The following CAMTA1 variants were observed in gnomAD, a reference collection of about 807,000 sequenced individuals.
The protein encoded by CAMTA1 is calmodulin-binding transcription activator 1.
Under a neutral mutation model 170.9 loss-of-function variants are expected in CAMTA1, and 27 were observed. The observed-to-expected ratio is 0.16, with a 90% CI of 0.12 to 0.22. The LOEUF is 0.22. CAMTA1 is among the 10% of genes least tolerant of loss of function. The pLI, the probability that CAMTA1 is intolerant of heterozygous loss-of-function variation, is 1.00. For missense variants in CAMTA1, 1,619 were observed against 2,217.2 expected (o/e 0.73, Z 5.42); for synonymous variants, 833 against 891.5 (o/e 0.93, Z 1.17).
chr1:6,843,538 G>T (rs1477666091), intron 3 of CAMTA1, among the ~76,000 whole-genome samples: 1 of 152,202 alleles, frequency 6.6e-6, no homozygotes. Context: ...TTTCCTTGAG[G>T]ATAGTTTTAT....
intron 3 of CAMTA1, among the ~76,000 whole-genome samples, chr1:6,980,501 C>A (rs564745617): frequency 6.6e-6 from 1 of 152,144 alleles, no homozygotes; most frequent in Non-Finnish European, 1.5e-5. Flanking sequence ...CCTAGAGGGA[C>A]GTGACTTCTG....
Position 7,465,319 on chromosome 1 carries a change from T to G in CAMTA1, c.439-2511T>G, listed in dbSNP as rs574016972. On this transcript the variant is annotated intron_variant, in intron 5 of 22. Transcript: ENST00000303635. ...GCCCAGTGTGCTGAGCCAGGCAGCA[T>G]GGAAGGGGTCCCATTCCCTGTGGGC... 7.9e-5 allele frequency among the ~76,000 whole-genome samples: 12 copies of G among 152,314 alleles called. No homozygotes were observed. In the East Asian group the frequency reaches 2.3e-3, roughly 29 times the overall value.
intron 5 of CAMTA1, among the ~76,000 whole-genome samples, chr1:7,406,119 C>G (rs1035687547): frequency 2.6e-5 from 4 of 152,378 alleles, no homozygotes; most frequent in Non-Finnish European, 5.9e-5. Flanking sequence ...GTGCCTGTCA[C>G]TTCCTGTGAT....
chr1:6,891,926 T>G (rs534142214), intron 3 of CAMTA1, among the ~76,000 whole-genome samples: 16 of 152,276 alleles, frequency 1.1e-4, no homozygotes, highest in Middle Eastern at 6.8e-3. Context: ...TTCATGAACC[T>G]GAATGTTGTA....
intron 6 of CAMTA1, among the ~76,000 whole-genome samples, chr1:7,470,854 G>A (rs897316697): frequency 5.9e-5 from 9 of 152,200 alleles, no homozygotes; most frequent in Admixed American, 3.3e-4. Context: ...TTAGCACTTA[G>A]TGGGCACGTC....
At chr1:7,400,303 G>T (rs932267772) in intron 5 of CAMTA1, among the ~76,000 whole-genome samples, 1 of 152,042 alleles carries the variant, frequency 6.6e-6, no homozygotes, top group African/African-American at 2.4e-5. Context: ...GAATTCTTCA[G>T]CTGTAAGACT....
rs899710896 is a variant in CAMTA1, at chr1:7,044,842, C to G, written c.235-46462C>G. On this transcript the variant is annotated intron_variant, in intron 3 of 22. Coordinates refer to ENST00000303635, the MANE Select transcript of CAMTA1 (RefSeq NM_015215.4). This position sits in a 1 kb window ranked among gnomAD's most constrained non-coding sequence, Gnocchi z 5.0. ...TCTTCCCGCCTGTGGTTTTCTTTCC[C>G]ATTCCTGTCTGCCAGCAGTGCCTCC... Among the ~76,000 whole-genome samples, 3 of 151,362 alleles carry G rather than the reference C, an allele frequency of 2.0e-5. No individual in the cohort carries two copies. The highest frequency in any genetic ancestry group is 7.3e-5 in the African/African-American group (3 of 41,122).
At chr1:7,242,141 G>A (rs190115683) in intron 4 of CAMTA1, among the ~76,000 whole-genome samples, 2 of 152,258 alleles carry the variant, frequency 1.3e-5, no homozygotes, top group South Asian at 4.2e-4. Flanking sequence ...ATAGGCAAGA[G>A]ATTCAAATAG....
intron 4 of CAMTA1, among the ~76,000 whole-genome samples, chr1:7,145,826 G>T (rs900020568): frequency 1.4e-4 from 22 of 152,208 alleles, no homozygotes; most frequent in Admixed American, 2.0e-4. Flanking sequence ...GGAAGAGGCT[G>T]CCCTTCAGCG....
chr1:6,871,300 A>G (rs1668343574), intron 3 of CAMTA1, among the ~76,000 whole-genome samples: 1 of 152,208 alleles, frequency 6.6e-6, no homozygotes, highest in Admixed American at 6.5e-5. Context: ...GTATCACTTT[A>G]TTGCTGTCTT....
At position 7,200,563 on chromosome 1, in the gene CAMTA1, C is replaced by T. The variant is rs529890323; in HGVS notation, c.303-48928C>T. Among the ~76,000 whole-genome samples the T allele has an allele frequency of 5.9e-5, 9 of 152,262 alleles. 1 individual carries two copies. The highest frequency in any genetic ancestry group is 3.9e-4 in the East Asian group (2 of 5,186). On this transcript the variant is annotated intron_variant, in intron 4 of 22. Transcript: ENST00000303635. ...CCGTCTTTCTTTTTCTTTCTTGAAT[C>T]GGACATTTTTGACGAGTACAGGCCT...
chr1:6,809,227 A>G (rs997514371), intron 1 of CAMTA1, among the ~76,000 whole-genome samples: 1 of 151,940 alleles, frequency 6.6e-6, no homozygotes, highest in Non-Finnish European at 1.5e-5. Flanking sequence ...GGGTTTCACC[A>G]TGTTGGCCAG....
chr1:7,105,563 G>T (rs935754842), intron 4 of CAMTA1, among the ~76,000 whole-genome samples: 1 of 152,198 alleles, frequency 6.6e-6, no homozygotes, highest in Non-Finnish European at 1.5e-5. Flanking sequence ...GTCTTCTCAG[G>T]AATTGGAACA....
chr1:7,669,712 T>C (rs928706452), intron 9 of CAMTA1, among the ~76,000 whole-genome samples: 1 of 152,160 alleles, frequency 6.6e-6, no homozygotes, highest in Non-Finnish European at 1.5e-5. Flanking sequence ...TGTTTACTGG[T>C]TTGGGGGTGG....
At chr1:7,423,120 C>A (rs1438414200) in intron 5 of CAMTA1, among the ~76,000 whole-genome samples, 1 of 152,184 alleles carries the variant, frequency 6.6e-6, no homozygotes, top group Non-Finnish European at 1.5e-5. Context: ...GCGAGGCAGC[C>A]CTCACAGCCC....
Position 7,392,273 on chromosome 1 carries a change from T to TG in CAMTA1, c.439-75557_439-75556insG, listed in dbSNP as rs201850562. Among the ~76,000 whole-genome samples, 1,155 of 151,198 alleles carry TG rather than the reference T, an allele frequency of 7.6e-3. 10 individuals are homozygous for TG. Among genetic ancestry groups the TG allele is most frequent in the Middle Eastern group, 0.024 (7 of 294 alleles). ...AGACCCCCATCTTTTTTTTTTTTTT[T>TG]TGAGTCAGTTTTGCTCTTGTTACCC... On this transcript the variant is annotated intron_variant, in intron 5 of 22. Coordinates refer to ENST00000303635, the MANE Select transcript of CAMTA1 (RefSeq NM_015215.4).
chr1:7,569,828 A>G (rs879721886), intron 6 of CAMTA1, among the ~76,000 whole-genome samples: 1 of 152,048 alleles, frequency 6.6e-6, no homozygotes, highest in Non-Finnish European at 1.5e-5. Flanking sequence ...CACCATCATT[A>G]TTATTACTGT....
chr1:7,051,663 C>CTGCCAGGACAGACTCATCCCTGTT (rs574294442), intron 3 of CAMTA1, among the ~76,000 whole-genome samples: 18,380 of 147,160 alleles, frequency 0.12, 1,847 homozygotes, highest in East Asian at 0.23. Flanking sequence ...GGAAACATCC[C>CTGCCAGGACAGACTCATCCCTGTT]TGCCAGGACA....
chr1:7,493,763 A>T (rs1455688684), intron 6 of CAMTA1, among the ~76,000 whole-genome samples: 1 of 152,196 alleles, frequency 6.6e-6, no homozygotes, highest in East Asian at 1.9e-4. Context: ...ATCCTACAGA[A>T]GTCAGCGAAA....
Sources: allele counts gnomAD v4.1 joint callset (sites outside exome capture counted in the v4.1 genomes callset), GRCh38; gene constraint gnomAD v4.1.1; non-coding constraint Gnocchi (gnomAD v3.1); transcripts MANE v1.5; gene names NCBI Gene and HGNC (gene_info 2026-07-23, HGNC 2026-07-21).